Variants in NCOR1 observed in about 807,000 individuals in gnomAD.
NCOR1 encodes nuclear receptor corepressor 1, also known as protein phosphatase 1, regulatory subunit 109.
In NCOR1, 63 loss-of-function variants were observed where a neutral mutation model predicts 288.1. That is an observed-to-expected ratio of 0.22 (90% CI 0.18 to 0.27). The LOEUF is 0.27. Among genes scored for constraint, NCOR1 ranks in the 10% least tolerant of loss-of-function variants. The pLI, the probability that NCOR1 is intolerant of heterozygous loss-of-function variation, is 1.00. For missense variants in NCOR1, 2,397 were observed against 3,019.2 expected (o/e 0.79, Z 4.83); for synonymous variants, 1,007 against 1,065.9 (o/e 0.94, Z 1.08).
chr17:16,087,059 G>A, intron 22 of NCOR1: 1 of 771,098 alleles, frequency 1.3e-6, no homozygotes, highest in African/African-American at 1.8e-5. Flanking sequence ...AAGTCATTCT[G>A]AAACAGCAAG....
intron 8 of NCOR1, 180 bp downstream of exon 8, chr17:16,151,766 G>A: frequency 1.0e-6 from 1 of 969,406 alleles, no homozygotes; most frequent in Non-Finnish European, 1.5e-6. Flanking sequence ...GAAACTCAAA[G>A]CTGTTACCCC....
intron 3 of NCOR1, among the ~76,000 whole-genome samples, chr17:16,179,920 T>G (rs1254387504): frequency 7.3e-6 from 1 of 136,158 alleles, no homozygotes; most frequent in African/African-American, 2.9e-5. Flanking sequence ...ATCGTGCCAC[T>G]GCACTCCAGC....
At chr17:16,127,727 ATG>A (rs1233871343) in intron 14 of NCOR1, among the ~76,000 whole-genome samples, 8 of 122,088 alleles carry the variant, frequency 6.6e-5, no homozygotes, top group African/African-American at 1.5e-4. Flanking sequence ...ATATACATAT[ATG>A]TGTATATATG....
At chr17:16,063,372 A>T (rs1407721259) in intron 35 of NCOR1, among the ~76,000 whole-genome samples, 1 of 151,972 alleles carries the variant, frequency 6.6e-6, no homozygotes, top group East Asian at 1.9e-4. Flanking sequence ...TTTTAGAGAC[A>T]GGGTCTCACC....
chr17:16,071,021 C>T (rs2061689881), intron 30 of NCOR1, among the ~76,000 whole-genome samples: 1 of 152,038 alleles, frequency 6.6e-6, no homozygotes, highest in Non-Finnish European at 1.5e-5. Context: ...TGGCTCACGC[C>T]TGTGATCCCA....
chr17:16,041,786 G>C (rs2057719552), intron 42 of NCOR1, among the ~76,000 whole-genome samples: 1 of 151,674 alleles, frequency 6.6e-6, no homozygotes, highest in Non-Finnish European at 1.5e-5. Flanking sequence ...GCCCAGGCTG[G>C]AGTGCAGCGG....
chr17:16,211,200 A>G (rs749120271), intron 1 of NCOR1, among the ~76,000 whole-genome samples: 2 of 152,144 alleles, frequency 1.3e-5, no homozygotes, highest in African/African-American at 4.8e-5. Flanking sequence ...TCGAAAGTAA[A>G]ACAAGACTAG....
chr17:16,149,282 AGATTT>A (rs1437967049), intron 9 of NCOR1, among the ~76,000 whole-genome samples, 164 bp downstream of exon 9: 3 of 131,150 alleles, frequency 2.3e-5, no homozygotes, highest in Non-Finnish European at 4.7e-5. Flanking sequence ...TACTAGAATT[AGATTT>A]AAGTCATATA....
intron 14 of NCOR1, among the ~76,000 whole-genome samples, chr17:16,127,593 G>T (rs1479565968): frequency 7.3e-6 from 1 of 136,798 alleles, no homozygotes; most frequent in Non-Finnish European, 1.5e-5. Flanking sequence ...GTGTATATAT[G>T]TATGTATACA....
At chr17:16,162,900 G>A (rs2081154883) in intron 5 of NCOR1, among the ~76,000 whole-genome samples, 1 of 152,226 alleles carries the variant, frequency 6.6e-6, no homozygotes, top group South Asian at 2.1e-4. Flanking sequence ...GTAGTTTCCA[G>A]TGGATTAAGA....
intron 7 of NCOR1, 46 bp downstream of exon 7, chr17:16,153,293 C>G (rs1257753656): frequency 7.1e-7 from 1 of 1,416,586 alleles, no homozygotes; most frequent in Non-Finnish European, 9.8e-7. Context: ...AAACTACCAC[C>G]AAAAATTAAA....
intron 3 of NCOR1, among the ~76,000 whole-genome samples, chr17:16,175,351 C>G (rs2083932316): frequency 6.6e-6 from 1 of 151,526 alleles, no homozygotes; most frequent in African/African-American, 2.4e-5. Flanking sequence ...GTCTGGGTGA[C>G]AGAGCCAGAC....
intron 6 of NCOR1, among the ~76,000 whole-genome samples, chr17:16,154,110 T>G (rs1469354172): frequency 7.1e-6 from 1 of 141,436 alleles, no homozygotes; most frequent in Non-Finnish European, 1.5e-5. Context: ...CACTGCAGCC[T>G]CAACTTCCTG....
rs781575973 is a variant in NCOR1 at position 16,146,543 on chromosome 17, T to G, written c.915A>C (p.Gln305His). The change falls in exon 10 of 46, where the codon CAA (glutamine) becomes CAC (histidine). Residue 305 changes from glutamine to histidine, a missense_variant. Transcript: ENST00000268712. ...RRNHARKQRE[Q>H]KICQRYDQLM... is the part of the protein sequence containing the mutation. Reference sequence around the variant, plus strand: ...GCTGATCATAACGCTGGCAGATTTTTTGTTCCTATTAAATATCCGTAGCAA... The same window carrying G: ...GCTGATCATAACGCTGGCAGATTTTGTGTTCCTATTAAATATCCGTAGCAA... 1 of 1,581,830 alleles carries G rather than the reference T, an allele frequency of 6.3e-7. No homozygotes were observed. Among genetic ancestry groups the G allele is most frequent in the Non-Finnish European group, 8.5e-7 (1 of 1,169,596 alleles).
chr17:16,030,793 T>C lies in NCOR1; in HGVS notation c.*1503A>G, dbSNP rs369839389. The C allele has an allele frequency of 1.7e-4, 31 of 182,250 alleles. 2 individuals are homozygous for C. The highest frequency in any genetic ancestry group is 7.0e-4 in the African/African-American group (30 of 42,616). The allele number at this position is 182,250 out of a possible 1,614,324, so 11.3% of individuals were successfully genotyped here. A position where few individuals can be genotyped will look rare whatever the true frequency, so the allele number is the denominator to read the frequency against. ...TAAACCTGTGTCTTCATCTGTAACA[T>C]AGGGATTAGACACCAGTGATAGGAG... On this transcript the variant is annotated 3_prime_UTR_variant, in exon 46 of 46. Coordinates refer to ENST00000268712, the MANE Select transcript of NCOR1 (RefSeq NM_006311.4).
chr17:16,207,094 A>G (rs1223986442), intron 1 of NCOR1, among the ~76,000 whole-genome samples: 3 of 152,188 alleles, frequency 2.0e-5, no homozygotes, highest in Non-Finnish European at 4.4e-5. Flanking sequence ...TATAACTCCT[A>G]GATAGCACAA....
intron 26 of NCOR1, among the ~76,000 whole-genome samples, chr17:16,075,920 T>C (rs1034412101): frequency 4.6e-5 from 7 of 152,368 alleles, no homozygotes; most frequent in South Asian, 4.1e-4. Context: ...CTTAAAATTA[T>C]GACACGTACA....
At chr17:16,079,207 A>C (rs901384864) in intron 26 of NCOR1, among the ~76,000 whole-genome samples, 1 of 152,184 alleles carries the variant, frequency 6.6e-6, no homozygotes, top group Non-Finnish European at 1.5e-5. Context: ...CTGAAAATTT[A>C]TATGTGTAGC....
intron 36 of NCOR1, 65 bp downstream of exon 36, chr17:16,062,040 A>G: frequency 6.3e-7 from 1 of 1,593,118 alleles, no homozygotes; most frequent in South Asian, 1.1e-5. Context: ...AGACTATTGC[A>G]GTCACAAATT....
Sources: allele counts gnomAD v4.1 joint callset (sites outside exome capture counted in the v4.1 genomes callset), GRCh38; gene constraint gnomAD v4.1.1; transcripts MANE v1.5; gene names NCBI Gene and HGNC (gene_info 2026-07-23, HGNC 2026-07-21).